The following DLGAP2 variants were observed in gnomAD, a reference collection of about 807,000 sequenced individuals.
The protein encoded by DLGAP2 is disks large-associated protein 2.
Under a neutral mutation model 100.3 loss-of-function variants are expected in DLGAP2, and 26 were observed. The observed-to-expected ratio is 0.26, with a 90% confidence interval of 0.19 to 0.36. DLGAP2 has a LOEUF of 0.36. Ranked by LOEUF, DLGAP2 falls within the 10% of genes least tolerant of loss-of-function variation. The probability of loss-of-function intolerance (pLI) is 1.00; values close to 1 mark genes in which losing one functional copy is unlikely to be tolerated. For missense variants in DLGAP2, 1,858 were observed against 1,453.2 expected (o/e 1.28, Z -4.53); for synonymous variants, 886 against 630.1 (o/e 1.41, Z -6.08).
chr8:1,592,034 T>G (rs1403790232), intron 6 of DLGAP2, among the ~76,000 whole-genome samples: 1 of 152,140 alleles, frequency 6.6e-6, no homozygotes, highest in African/African-American at 2.4e-5. Flanking sequence ...TGCTGGGAGC[T>G]GGGGCAGTGA....
At chr8:1,052,944 T>G (rs1261936212) in intron 2 of DLGAP2, among the ~76,000 whole-genome samples, 1 of 152,234 alleles carries the variant, frequency 6.6e-6, no homozygotes, top group Non-Finnish European at 1.5e-5. Flanking sequence ...ATATCCAGGT[T>G]AAGCAAATAT....
intron 3 of DLGAP2, chr8:1,300,643 G>C (rs900584844): frequency 4.6e-5 from 7 of 152,200 alleles, no homozygotes; most frequent in Non-Finnish European, 8.8e-5. Flanking sequence ...CCAGCTTTGA[G>C]GTTCACCTCC....
intron 6 of DLGAP2, among the ~76,000 whole-genome samples, chr8:1,600,506 C>A (rs1035718709): frequency 6.6e-6 from 1 of 152,188 alleles, no homozygotes; most frequent in African/African-American, 2.4e-5. Context: ...CTTTCAGGTA[C>A]ATTAATCTAA....
At chr8:1,565,417 T>G in intron 5 of DLGAP2, 1 of 375,908 alleles carries the variant, frequency 2.7e-6, no homozygotes, top group Non-Finnish European at 4.7e-6. Context: ...CTGCTGAGAT[T>G]GCAAGTGTCC....
At chr8:1,688,471 A>T (rs1338462132) in intron 12 of DLGAP2, 1 of 152,202 alleles carries the variant, frequency 6.6e-6, no homozygotes, top group Non-Finnish European at 1.5e-5. Flanking sequence ...ATTAGGTGAT[A>T]TTCAGGAACT....
chr8:1,140,721 C>T (rs1796506751), intron 2 of DLGAP2, among the ~76,000 whole-genome samples: 1 of 152,170 alleles, frequency 6.6e-6, no homozygotes, highest in South Asian at 2.1e-4. Flanking sequence ...CCTGTAATCC[C>T]AGCACTTTGG....
intron 1 of DLGAP2, among the ~76,000 whole-genome samples, chr8:899,265 T>G (rs1486692801): frequency 6.6e-6 from 1 of 152,202 alleles, no homozygotes; most frequent in Non-Finnish European, 1.5e-5. Flanking sequence ...ACACGGAAGG[T>G]GCAGCACAGC....
intron 2 of DLGAP2, among the ~76,000 whole-genome samples, chr8:997,911 T>TACAA (rs142185512): frequency 0.085 from 12,944 of 151,780 alleles, 985 homozygotes; most frequent in African/African-American, 0.18. Context: ...CATGCATGCA[T>TACAA]ACAAACATGC....
chr8:1,564,409 C>T (rs1404786890), intron 5 of DLGAP2, among the ~76,000 whole-genome samples: 2 of 152,160 alleles, frequency 1.3e-5, no homozygotes, highest in Admixed American at 6.5e-5. Context: ...AGACACGTAA[C>T]GCAAACACAC....
rs73532666 is a variant in DLGAP2, at chr8:1,429,857, A to C, written c.107-71509A>C. ...AAGCAGTATTCATCTGATTTGTCCA[A>C]GGTGATCTGGCCATTCATTGTGGAG... On this transcript the variant is annotated intron_variant, in intron 3 of 14. Coordinates refer to ENST00000637795, the MANE Select transcript of DLGAP2 (RefSeq NM_001346810.2). Among the ~76,000 whole-genome samples the C allele has an allele frequency of 4.4e-3, 659 of 150,974 alleles. 6 individuals carry two copies. Among genetic ancestry groups the C allele is most frequent in the African/African-American group, 0.015 (620 of 41,118 alleles).
chr8:1,619,519 T>A (rs1797261131), intron 6 of DLGAP2, among the ~76,000 whole-genome samples: 1 of 152,248 alleles, frequency 6.6e-6, no homozygotes, highest in Admixed American at 6.5e-5. Flanking sequence ...CTTGTTCTTT[T>A]AAGAAAAATT....
chr8:1,438,412 G>C (rs1458673749), intron 3 of DLGAP2, among the ~76,000 whole-genome samples: 2 of 152,080 alleles, frequency 1.3e-5, no homozygotes, highest in African/African-American at 4.8e-5. Context: ...GCGTTGCTAA[G>C]GGAGTTTTTC....
intron 4 of DLGAP2, among the ~76,000 whole-genome samples, chr8:1,504,096 C>A (rs910284707): frequency 1.1e-4 from 16 of 151,894 alleles, no homozygotes; most frequent in African/African-American, 3.9e-4. Flanking sequence ...CTATGTCAGT[C>A]AGGATCACTT....
intron 3 of DLGAP2, among the ~76,000 whole-genome samples, chr8:1,318,773 G>C (rs1424187108): frequency 1.2e-5 from 1 of 85,938 alleles, no homozygotes; most frequent in African/African-American, 5.5e-5. Flanking sequence ...CATTGTCAGT[G>C]ATCAGCCCCC....
chr8:1,430,791 T>A (rs1171176973), intron 3 of DLGAP2, among the ~76,000 whole-genome samples: 2 of 152,246 alleles, frequency 1.3e-5, no homozygotes, highest in Admixed American at 1.3e-4. Flanking sequence ...TGAAACATCC[T>A]TTGTTAGTCT....
At chr8:1,236,057 ACCGTGTCTAGTTCTCTCACATGGTG>A (rs1563270755) in intron 2 of DLGAP2, among the ~76,000 whole-genome samples, 5 of 58,592 alleles carry the variant, frequency 8.5e-5, no homozygotes, top group Admixed American at 2.4e-4. Flanking sequence ...CTCACATGGC[ACCGTGTCTAGTTCTCTCACATGGTG>A]CCATGTCTAG....
In DLGAP2 at chr8:1,549,424, C is replaced by A. The variant is rs1051703325; in HGVS notation, c.971C>A (p.Ala324Asp). 1 of 1,613,424 alleles carries A rather than the reference C, an allele frequency of 6.2e-7. No individual in the cohort carries two copies. Residue 324 changes from alanine (A) to aspartate (D), a missense_variant, in exon 5 of 15, where the codon GCC becomes GAC. Transcript: ENST00000637795. ...VLNRHHLGPV[A>D]HCYPDALQSP... is the part of the protein sequence containing the mutation. ...AACCGGCACCACCTGGGCCCCGTGG[C>A]CCACTGCTACCCCGACGCGCTGCAG...
chr8:1,491,423 A>C (rs1359901995), intron 3 of DLGAP2, among the ~76,000 whole-genome samples: 2 of 126,236 alleles, frequency 1.6e-5, no homozygotes, highest in African/African-American at 5.8e-5. Context: ...GCTCCCCCTG[A>C]TCTCAGAGGC....
chr8:1,573,855 G>A (rs1489489551), intron 6 of DLGAP2, among the ~76,000 whole-genome samples: 1 of 152,152 alleles, frequency 6.6e-6, no homozygotes, highest in Non-Finnish European at 1.5e-5. Context: ...ACTTACATCT[G>A]GGCCTTTACA....
Sources: gnomAD v4.1 joint callset for allele counts (sites outside exome capture counted in the v4.1 genomes callset) on GRCh38, gnomAD v4.1.1 for gene constraint, MANE v1.5 for transcripts, NCBI Gene and HGNC (gene_info 2026-07-23, HGNC 2026-07-21) for gene names.